MS4A10: variants seen among roughly 807,000 people sequenced by gnomAD.
MS4A10 encodes the protein membrane-spanning 4-domains subfamily A member 10.
In MS4A10, 27 loss-of-function variants were observed where a neutral mutation model predicts 27.7. The ratio of observed to expected loss-of-function variants is 0.98; its 90% CI spans 0.72 to 1.35. The LOEUF (loss-of-function observed/expected upper bound fraction) is 1.35, where lower values mean the gene tolerates loss of function less well. Ranked by LOEUF, MS4A10 falls within the 40% of genes most tolerant of loss-of-function variation. The probability of loss-of-function intolerance (pLI) is 0.00; values close to 1 mark genes in which losing one functional copy is unlikely to be tolerated. For missense variants in MS4A10, 338 were observed against 324.7 expected, an observed-to-expected ratio of 1.04 and a Z score of -0.32; for synonymous variants, 139 against 131.2, an observed-to-expected ratio of 1.06 and a Z score of -0.41.
At chr11:60,787,798 A>C (rs1854365368) in intron 1 of MS4A10, among the ~76,000 whole-genome samples, 1 of 152,134 alleles carries the variant, frequency 6.6e-6, no homozygotes, top group African/African-American at 2.4e-5. Flanking sequence ...TAGGCGGATC[A>C]CCTGAGGTCG....
At chr11:60,786,097 G>A (rs1016095923) in intron 1 of MS4A10, among the ~76,000 whole-genome samples, 1 of 151,874 alleles carries the variant, frequency 6.6e-6, no homozygotes, top group African/African-American at 2.4e-5. Context: ...CACATGTTGT[G>A]ACACTCTTGT....
intron 6 of MS4A10, among the ~76,000 whole-genome samples, 194 bp downstream of exon 6, chr11:60,795,859 A>G (rs1040276456): frequency 6.6e-5 from 10 of 152,166 alleles, no homozygotes; most frequent in Admixed American, 5.2e-4. Flanking sequence ...GAGGAGGCCA[A>G]TCCAAGGAGA....
At chr11:60,795,070 G>A (rs1854502243) in intron 5 of MS4A10, among the ~76,000 whole-genome samples, 1 of 152,122 alleles carries the variant, frequency 6.6e-6, no homozygotes, top group Admixed American at 6.5e-5. Flanking sequence ...ACATGCATGT[G>A]CGAGCATGCA....
intron 4 of MS4A10, 112 bp from the exon 5 acceptor site, chr11:60,793,860 A>T (rs1854473448): frequency 1.1e-5 from 14 of 1,240,526 alleles, no homozygotes; most frequent in Middle Eastern, 2.9e-4. Flanking sequence ...GCCCAGTGAC[A>T]GGCAGAGTCT....
Position 60,795,664 on chromosome 11 carries a change from A to T in MS4A10, c.602A>T (p.Lys201Met). 6.4e-7 allele frequency: 1 copy of T among 1,557,314 alleles called. No homozygotes were observed. Among genetic ancestry groups the T allele is most frequent in the South Asian group, 1.2e-5 (1 of 81,808 alleles). Residue 201 changes from lysine (K) to methionine (M), a missense_variant and splice_region_variant, in exon 6 of 8, where the codon AAG (lysine) becomes ATG (methionine). Lys to Met is a moderately conservative substitution (Grantham distance 95). Transcript: ENST00000308287. ...TGGAGAGGGGACTGCCCATCTGCAAAGGTAAGACAAGGGCTTGTCTTCCCA... is the reference window on the plus strand; with the variant it reads ...TGGAGAGGGGACTGCCCATCTGCAATGGTAAGACAAGGGCTTGTCTTCCCA... ...TAWRGDCPSA[K>M]NDDACLVPNT...
intron 3 of MS4A10, 134 bp from the exon 4 acceptor site, chr11:60,792,131 G>C (rs1854441116): frequency 1.4e-6 from 1 of 709,768 alleles, no homozygotes; most frequent in Non-Finnish European, 2.5e-6. Context: ...AGCTCACTTT[G>C]CTGGAGGAAT....
intron 5 of MS4A10, 120 bp downstream of exon 5, chr11:60,794,223 G>T (rs985128422): frequency 4.3e-5 from 52 of 1,205,012 alleles, no homozygotes; most frequent in Non-Finnish European, 2.9e-5. Flanking sequence ...GGGCTGCTGG[G>T]CCCTTTGCCA....
At position 60,799,826 on chromosome 11, in the gene MS4A10, A is replaced by T. The variant is rs144144301; in HGVS notation, c.723-2A>T. On this transcript the variant is annotated splice_acceptor_variant, in intron 7 of 7. Coordinates refer to ENST00000308287, the MANE Select transcript of MS4A10 (RefSeq NM_206893.4). LOFTEE classifies it high-confidence loss of function. ...TGCTATTAATATCTCCATTTCATGC[A>T]GGCTCAGAGAAGTTAAGCAAGTTGC... 9 of 1,317,144 alleles carry T rather than the reference A, an allele frequency of 6.8e-6. No homozygotes were observed. The highest frequency in any genetic ancestry group is 1.4e-5 in the African/African-American group (1 of 69,186). 81.6% of individuals were successfully genotyped at this position (1,317,144 alleles called of 1,614,324 possible).
Position 60,799,885 on chromosome 11 carries a change from G to A in MS4A10, c.780G>A (p.Ala260=), listed in dbSNP as rs149928197. Residue 260 remains alanine, a synonymous_variant, in exon 8 of 8, where the codon GCG becomes GCA. Transcript: ENST00000308287. ...CATGGATAGTCACTGACGGAGCTGCGATCTGGACCCAGACTGCAAACTGAA... is the reference window on the plus strand; with the variant it reads ...CATGGATAGTCACTGACGGAGCTGCAATCTGGACCCAGACTGCAAACTGAA... ...PDTWIVTDGA[A]IWTQTAN is the part of the protein sequence containing the mutation. 1.2e-3 allele frequency: 1,899 copies of A among 1,613,934 alleles called. 18 individuals are homozygous for A. The African/African-American group carries it at 0.021, about 18-fold the overall frequency.
Position 60,795,540 on chromosome 11 carries a change from C to T in MS4A10, c.493-15C>T. 6 of 1,514,412 alleles carry T rather than the reference C, an allele frequency of 4.0e-6. No homozygotes were observed. Among genetic ancestry groups the T allele is most frequent in the Non-Finnish European group, 5.3e-6 (6 of 1,129,600 alleles). The allele number at this position is 1,514,412 out of a possible 1,614,324, so 93.8% of individuals were successfully genotyped here. ...GCGAGGCCTCACCCTGCCTTCCTTC[C>T]CTCTACCCTCTCAGGTCCACATCCA... On this transcript the variant is annotated splice_polypyrimidine_tract_variant and intron_variant, in intron 5 of 7. Coordinates refer to ENST00000308287, the MANE Select transcript of MS4A10 (RefSeq NM_206893.4).
intron 4 of MS4A10, among the ~76,000 whole-genome samples, chr11:60,793,093 C>T (rs953568078): frequency 2.0e-5 from 3 of 152,166 alleles, no homozygotes; most frequent in African/African-American, 7.2e-5. Flanking sequence ...GTCTTCCCAC[C>T]TCCCCTCCTT....
chr11:60,799,272 G>T (rs1854589494), intron 7 of MS4A10, among the ~76,000 whole-genome samples: 1 of 152,152 alleles, frequency 6.6e-6, no homozygotes, highest in Non-Finnish European at 1.5e-5. Context: ...AAACCTACTT[G>T]TGCTAAGTAA....
chr11:60,786,189 G>A (rs59542777), intron 1 of MS4A10, among the ~76,000 whole-genome samples: 17,343 of 126,934 alleles, frequency 0.14, 1,083 homozygotes, highest in Admixed American at 0.18. Context: ...ACACACACAC[G>A]CACACACACA....
Position 60,800,128 on chromosome 11 carries a change from T to C in MS4A10, c.*219T>C. 1 of 620,916 alleles carries C rather than the reference T, an allele frequency of 1.6e-6. No individual in the cohort carries two copies. The highest frequency in any genetic ancestry group is 2.4e-5 in the South Asian group (1 of 41,914). The allele number at this position is 620,916 out of a possible 1,614,324, so 38.5% of individuals were successfully genotyped here. ...CGATATCTGTGGTGGCCCAGATTGT[T>C]TTGTTTTGTTTCGCTTTGTTTTGTT... On this transcript the variant is annotated 3_prime_UTR_variant, in exon 8 of 8. Coordinates refer to ENST00000308287, the MANE Select transcript of MS4A10 (RefSeq NM_206893.4).
intron 4 of MS4A10, 70 bp downstream of exon 4, chr11:60,792,391 G>T (rs1025563950): frequency 8.3e-6 from 10 of 1,206,856 alleles, no homozygotes; most frequent in Middle Eastern, 1.9e-4. Context: ...GCATCTGTCT[G>T]TAGGGGTGAT....
intron 4 of MS4A10, among the ~76,000 whole-genome samples, chr11:60,792,611 C>A (rs184343146): frequency 6.6e-6 from 1 of 152,220 alleles, no homozygotes; most frequent in African/African-American, 2.4e-5. Flanking sequence ...ATCTAGGACA[C>A]AACTTTGCTT....
In MS4A10 at chr11:60,791,091, T is replaced by C. The variant is rs1205531380; in HGVS notation, c.301T>C (p.Ser101Pro). ...KSWYPFWGAASFLISGILAIT... is the reference protein window; with the variant it reads ...KSWYPFWGAAPFLISGILAIT... The stretch of plus-strand genomic sequence containing the variant: ...TTGGTATCCATTCTGGGGGGCTGCC[T>C]CTGTGAGTAGAAGGCAAAACACAGA... Residue 101 changes from serine (S) to proline (P), a missense_variant and splice_region_variant, in exon 3 of 8, where the codon TCT (serine) becomes CCT (proline). Coordinates refer to ENST00000308287, the MANE Select transcript of MS4A10 (RefSeq NM_206893.4). 2 of 1,613,960 alleles carry C rather than the reference T, an allele frequency of 1.2e-6. No homozygotes were observed. The highest frequency in any genetic ancestry group is 2.2e-5 in the South Asian group (2 of 91,068).
chr11:60,795,483 G>C, intron 5 of MS4A10, 72 bp from the exon 6 acceptor site: 1 of 1,000,820 alleles, frequency 1.0e-6, no homozygotes, highest in East Asian at 3.1e-5. Context: ...ACCCCTGCCT[G>C]GCTAAGCCCA....
At chr11:60,798,615 G>A in intron 7 of MS4A10, 101 bp downstream of exon 7, 1 of 887,960 alleles carries the variant, frequency 1.1e-6, no homozygotes, top group Non-Finnish European at 1.8e-6. Flanking sequence ...GCTGTAAGGG[G>A]CAAGGGGCTA....
Sources: allele counts gnomAD v4.1 joint callset (sites outside exome capture counted in the v4.1 genomes callset), GRCh38; gene constraint gnomAD v4.1.1; transcripts MANE v1.5; gene names NCBI Gene and HGNC (gene_info 2026-07-23, HGNC 2026-07-21).